RBFOX1: variants seen among roughly 807,000 people sequenced by gnomAD.
RBFOX1 encodes the protein RNA binding fox-1 homolog 1.
A neutral mutation model predicts 57.7 loss-of-function variants in RBFOX1; 8 were observed. The observed-to-expected ratio is 0.14, with a 90% CI of 0.08 to 0.25. The LOEUF is 0.25. Ranked by LOEUF, RBFOX1 falls within the 10% of genes least tolerant of loss-of-function variation. The probability of loss-of-function intolerance (pLI) is 1.00; values close to 1 mark genes in which losing one functional copy is unlikely to be tolerated. For synonymous variants in RBFOX1, 326 were observed against 222.4 expected (o/e 1.47, Z -4.15); for missense variants, 611 against 548.5 (o/e 1.11, Z -1.14).
At chr16:5,300,162 A>G (rs897022216) in intron 1 of RBFOX1, among the ~76,000 whole-genome samples, 3 of 152,054 alleles carry the variant, frequency 2.0e-5, no homozygotes, top group Non-Finnish European at 4.4e-5. Context: ...TCATTTGGTC[A>G]TATTGTATTA....
chr16:6,753,371 C>A lies in RBFOX1; in HGVS notation c.-16+98721C>A, dbSNP rs371662806. 6.6e-4 allele frequency among the ~76,000 whole-genome samples: 100 copies of A among 152,268 alleles called. 1 individual carries two copies. Among genetic ancestry groups the A allele is most frequent in the African/African-American group, 2.4e-3 (99 of 41,552 alleles). ...AAAATATGGTACAAAAGTGAATAGT[C>A]ATATAGTCAACACATAGACTGAGAT... On this transcript the variant is annotated intron_variant, in intron 3 of 15. Coordinates refer to ENST00000550418, the MANE Select transcript of RBFOX1 (RefSeq NM_018723.4).
At chr16:6,102,783 A>G (rs768380968) in intron 1 of RBFOX1, among the ~76,000 whole-genome samples, 8 of 152,092 alleles carry the variant, frequency 5.3e-5, no homozygotes, top group Admixed American at 1.3e-4. Flanking sequence ...CGTGATTTTC[A>G]TTTTAGAGTA....
intron 2 of RBFOX1, among the ~76,000 whole-genome samples, chr16:5,587,181 T>C (rs1427810070): frequency 6.6e-6 from 1 of 152,168 alleles, no homozygotes; most frequent in Non-Finnish European, 1.5e-5. Context: ...GGAGAGTATA[T>C]ATGCAAATTG....
chr16:5,300,545 C>G (rs2063778559), intron 1 of RBFOX1, among the ~76,000 whole-genome samples: 4 of 152,082 alleles, frequency 2.6e-5, no homozygotes, highest in Non-Finnish European at 2.9e-5. Flanking sequence ...GTCCTCATCT[C>G]TATTATTTTC....
rs375344163 is a variant in RBFOX1 at position 7,680,719 on chromosome 16, C to G, written c.995+3881C>G. On this transcript the variant is annotated intron_variant, in intron 14 of 15. Coordinates refer to ENST00000550418, the MANE Select transcript of RBFOX1 (RefSeq NM_018723.4). Reference sequence around the variant, plus strand: ...GTTTTAATGTATACCTTTTTGGATTCTGAGGCCTTAAAGTTTCACTGCTAA... The same window carrying G: ...GTTTTAATGTATACCTTTTTGGATTGTGAGGCCTTAAAGTTTCACTGCTAA... 3.3e-5 allele frequency among the ~76,000 whole-genome samples: 5 copies of G among 152,232 alleles called. No individual in the cohort carries two copies. In the East Asian group the frequency reaches 7.7e-4, roughly 24 times the overall value.
chr16:5,519,951 C>G (rs1016662343), intron 2 of RBFOX1, among the ~76,000 whole-genome samples: 3 of 152,206 alleles, frequency 2.0e-5, no homozygotes, highest in African/African-American at 7.2e-5. Context: ...TAGTGGTGAG[C>G]AAGGCAGATA....
intron 9 of RBFOX1, among the ~76,000 whole-genome samples, chr16:7,601,555 C>T (rs939509860): frequency 6.6e-6 from 1 of 152,154 alleles, no homozygotes; most frequent in Non-Finnish European, 1.5e-5. Flanking sequence ...TTGAAAAACT[C>T]AGTCTTTTGG....
At chr16:7,547,361 G>C (rs1013568255) in intron 5 of RBFOX1, among the ~76,000 whole-genome samples, 2 of 152,318 alleles carry the variant, frequency 1.3e-5, no homozygotes, top group Non-Finnish European at 1.5e-5. Context: ...AATTGTGTCA[G>C]TTGGCACCAC....
intron 4 of RBFOX1, among the ~76,000 whole-genome samples, chr16:7,281,003 C>G (rs1568015405): frequency 8.8e-6 from 1 of 114,010 alleles, no homozygotes; most frequent in Non-Finnish European, 1.7e-5. Context: ...TTCCTTCCTT[C>G]CTTCCTTCCT....
intron 4 of RBFOX1, among the ~76,000 whole-genome samples, chr16:5,981,338 G>C (rs1028975668): frequency 6.6e-6 from 1 of 152,210 alleles, no homozygotes; most frequent in Admixed American, 6.5e-5. Context: ...CACAGGTTCT[G>C]TGGGTCTGGG....
At chr16:6,935,713 G>A (rs139273343) in intron 3 of RBFOX1, among the ~76,000 whole-genome samples, 3,471 of 152,256 alleles carry the variant, frequency 0.023, 53 homozygotes, top group Non-Finnish European at 0.038. Context: ...AATCAGTGTG[G>A]CAGCTAAGCG....
At chr16:5,793,247 C>A (rs1231097730) in intron 3 of RBFOX1, among the ~76,000 whole-genome samples, 7 of 152,344 alleles carry the variant, frequency 4.6e-5, no homozygotes, top group African/African-American at 1.7e-4. Flanking sequence ...GCTCCTTTTG[C>A]CCACCGTGGG....
At chr16:7,122,502 A>C (rs1024569258) in intron 4 of RBFOX1, among the ~76,000 whole-genome samples, 5 of 152,188 alleles carry the variant, frequency 3.3e-5, no homozygotes, top group Non-Finnish European at 7.3e-5. Context: ...AGCAAGTGCA[A>C]ATGAAAACTA....
At chr16:6,255,098 C>G (rs2097652225) in intron 1 of RBFOX1, among the ~76,000 whole-genome samples, 1 of 152,086 alleles carries the variant, frequency 6.6e-6, no homozygotes, top group South Asian at 2.1e-4. Flanking sequence ...TTTTTCAGCT[C>G]AGCAGGCTGG....
chr16:6,626,414 G>A (rs1490036484), intron 2 of RBFOX1, among the ~76,000 whole-genome samples: 3 of 152,122 alleles, frequency 2.0e-5, no homozygotes, highest in African/African-American at 4.8e-5. Flanking sequence ...CTCCTTTGCT[G>A]TGGATTCTCA....
intron 4 of RBFOX1, among the ~76,000 whole-genome samples, chr16:7,392,844 G>T (rs1046322202): frequency 1.5e-4 from 22 of 145,896 alleles, no homozygotes; most frequent in African/African-American, 5.5e-4. Flanking sequence ...TTGTTGTTTT[G>T]GTTTGGTTTG....
intron 1 of RBFOX1, chr16:5,270,275 A>G: frequency 3.2e-6 from 2 of 617,916 alleles, no homozygotes; most frequent in Admixed American, 2.3e-5. Context: ...ATGATGTAAA[A>G]GCACCTGCTA....
chr16:6,724,109 C>T (rs1312345733), intron 3 of RBFOX1, among the ~76,000 whole-genome samples: 1 of 152,048 alleles, frequency 6.6e-6, no homozygotes, highest in African/African-American at 2.4e-5. Flanking sequence ...GCCATGGTGG[C>T]AGGGACTTCA....
intron 1 of RBFOX1, among the ~76,000 whole-genome samples, chr16:6,034,319 G>A (rs1241658317): frequency 2.0e-5 from 2 of 102,054 alleles, no homozygotes; most frequent in South Asian, 3.7e-4. Context: ...GTGACAGAGC[G>A]AGACTGTTGC....
Sources: gnomAD v4.1 joint callset for allele counts (sites outside exome capture counted in the v4.1 genomes callset) on GRCh38, gnomAD v4.1.1 for gene constraint, MANE v1.5 for transcripts, NCBI Gene and HGNC (gene_info 2026-07-23, HGNC 2026-07-21) for gene names.